The following PTPRM variants were observed in gnomAD, a reference collection of about 807,000 sequenced individuals.
The protein encoded by PTPRM is protein tyrosine phosphatase receptor type M.
In PTPRM, 47 loss-of-function variants were observed where a neutral mutation model predicts 186.7. The observed-to-expected ratio is 0.25, with a 90% CI of 0.20 to 0.32. The LOEUF (loss-of-function observed/expected upper bound fraction) is 0.32, where lower values mean the gene tolerates loss of function less well. Ranked by LOEUF, PTPRM falls within the 10% of genes least tolerant of loss-of-function variation. The pLI, the probability that PTPRM is intolerant of heterozygous loss-of-function variation, is 1.00. For synonymous variants in PTPRM, 668 were observed against 674.9 expected (o/e 0.99, Z 0.16); for missense variants, 1,494 against 1,865.0 (o/e 0.80, Z 3.66).
chr18:8,250,947 TAA>T (rs2094522784), intron 17 of PTPRM, among the ~76,000 whole-genome samples: 1 of 152,208 alleles, frequency 6.6e-6, no homozygotes, highest in Admixed American at 6.5e-5. Context: ...TCTAGTAGTA[TAA>T]GTGACCCAAT....
chr18:8,319,212 A>G lies in PTPRM; in HGVS notation c.2954A>G (p.Gln985Arg). ...YHRPNHYIAT[Q>R]GPMQETIYDF... ...CGACCCAATCATTACATTGCTACCC[A>G]AGGTAAGTTTATTTCTACTTTGTTG... Residue 985 changes from glutamine to arginine, a missense_variant and splice_region_variant, in exon 22 of 33, where the codon CAA (glutamine) becomes CGA (arginine). Gln to Arg is a conservative substitution (Grantham distance 43). This residue lies in a region of PTPRM where 1,107 missense variants were observed against 1,350.2 expected (regional missense o/e 0.82). Coordinates refer to ENST00000580170, the MANE Select transcript of PTPRM (RefSeq NM_001105244.2). The G allele has an allele frequency of 6.4e-7, 1 of 1,559,070 alleles. No homozygotes were observed. Among genetic ancestry groups the G allele is most frequent in the African/African-American group, 1.4e-5 (1 of 73,658 alleles).
At chr18:7,732,874 C>A (rs773649941) in intron 1 of PTPRM, among the ~76,000 whole-genome samples, 1 of 152,074 alleles carries the variant, frequency 6.6e-6, no homozygotes, top group African/African-American at 2.4e-5. Context: ...TTTGGAGGTT[C>A]TTTTCCAGCA....
intron 4 of PTPRM, 123 bp downstream of exon 4, chr18:7,906,706 C>T: frequency 2.6e-6 from 2 of 768,332 alleles, no homozygotes; most frequent in Non-Finnish European, 4.4e-6. Context: ...CCTGACAGGC[C>T]TGTATTGTTG....
intron 2 of PTPRM, among the ~76,000 whole-genome samples, chr18:7,786,727 C>G (rs748607026): frequency 6.6e-6 from 1 of 152,202 alleles, no homozygotes; most frequent in African/African-American, 2.4e-5. Flanking sequence ...ACTCTGTAAA[C>G]AAAACATCCC....
intron 32 of PTPRM, among the ~76,000 whole-genome samples, chr18:8,400,370 A>G (rs1349420543): frequency 6.6e-6 from 1 of 152,222 alleles, no homozygotes; most frequent in Non-Finnish European, 1.5e-5. Context: ...TGTCTGCTCT[A>G]GACGCAGTAT....
At chr18:7,950,911 A>G (rs2052907370) in intron 6 of PTPRM, among the ~76,000 whole-genome samples, 1 of 152,210 alleles carries the variant, frequency 6.6e-6, no homozygotes, top group Non-Finnish European at 1.5e-5. Flanking sequence ...AGTCAGCCAT[A>G]TGCTCTGTTG....
At chr18:7,955,550 C>G in intron 7 of PTPRM, 136 bp downstream of exon 7, 1 of 1,012,326 alleles carries the variant, frequency 9.9e-7, no homozygotes, top group Non-Finnish European at 1.4e-6. Context: ...ATGCCCTTAG[C>G]CTGTGAATAG....
At chr18:8,082,479 C>T (rs1273785013) in intron 9 of PTPRM, among the ~76,000 whole-genome samples, 1 of 148,744 alleles carries the variant, frequency 6.7e-6, no homozygotes, top group East Asian at 2.0e-4. Context: ...CCCTCCCTCC[C>T]TCCCTCCTTT....
chr18:8,147,058 T>C (rs1009011435), intron 14 of PTPRM, among the ~76,000 whole-genome samples: 2 of 152,204 alleles, frequency 1.3e-5, no homozygotes, highest in African/African-American at 4.8e-5. Flanking sequence ...TGTAGCCTTG[T>C]AGTATAGTTT....
intron 7 of PTPRM, among the ~76,000 whole-genome samples, chr18:8,010,910 T>C (rs2084491237): frequency 6.6e-6 from 1 of 152,180 alleles, no homozygotes; most frequent in Non-Finnish European, 1.5e-5. Flanking sequence ...GGTAGATTCA[T>C]TGGGAATATG....
chr18:8,116,199 C>T (rs1284786686), intron 13 of PTPRM, among the ~76,000 whole-genome samples: 1 of 152,202 alleles, frequency 6.6e-6, no homozygotes, highest in Admixed American at 6.5e-5. Context: ...TACTCAACAA[C>T]AGGAATTTCA....
At chr18:7,814,438 G>A (rs2044695640) in intron 2 of PTPRM, 1 of 152,234 alleles carries the variant, frequency 6.6e-6, no homozygotes, top group Non-Finnish European at 1.5e-5. Flanking sequence ...TCTGAGATGG[G>A]CCTGGAAGAA....
At chr18:7,742,367 C>T (rs945680325) in intron 1 of PTPRM, among the ~76,000 whole-genome samples, 83 of 152,262 alleles carry the variant, frequency 5.5e-4, no homozygotes, top group African/African-American at 1.9e-3. Context: ...CTGGGATTTT[C>T]TTCGATCTGA....
intron 1 of PTPRM, among the ~76,000 whole-genome samples, chr18:7,614,975 A>T (rs868419054): frequency 2.0e-5 from 3 of 152,166 alleles, no homozygotes; most frequent in Non-Finnish European, 2.9e-5. Flanking sequence ...AAACTTTGAT[A>T]CTTCCTGTTG....
At chr18:7,620,705 A>G (rs1346137701) in intron 1 of PTPRM, among the ~76,000 whole-genome samples, 1 of 152,218 alleles carries the variant, frequency 6.6e-6, no homozygotes, top group Non-Finnish European at 1.5e-5. Flanking sequence ...TACTGTGCTC[A>G]GATCATCACA....
At chr18:8,153,008 G>C (rs528878386) in intron 14 of PTPRM, among the ~76,000 whole-genome samples, 3 of 151,988 alleles carry the variant, frequency 2.0e-5, no homozygotes, top group Non-Finnish European at 4.4e-5. Context: ...GAGCCACTGC[G>C]CCTGGCCTTT....
intron 20 of PTPRM, among the ~76,000 whole-genome samples, chr18:8,306,188 C>A (rs1005749841): frequency 6.6e-6 from 1 of 152,070 alleles, no homozygotes; most frequent in South Asian, 2.1e-4. Context: ...TGAGCCACTG[C>A]GCCTGGCAGC....
At position 7,668,246 on chromosome 18, in the gene PTPRM, G is replaced by A. The variant is rs900344715; in HGVS notation, c.73+100355G>A. ...ACGCTGCTTCGTGTCCCCCATGACA[G>A]CTCTGGTGTGAATAGTCACAGTGCC... On this transcript the variant is annotated intron_variant, in intron 1 of 32. Coordinates refer to ENST00000580170, the MANE Select transcript of PTPRM (RefSeq NM_001105244.2). The surrounding 1 kb of genome is among the most constrained non-coding windows in gnomAD (Gnocchi z 4.7). Among the ~76,000 whole-genome samples, 1 of 152,188 alleles carries A rather than the reference G, an allele frequency of 6.6e-6. No homozygotes were observed. The highest frequency in any genetic ancestry group is 1.5e-5 in the Non-Finnish European group (1 of 68,048).
At chr18:7,964,689 G>T (rs557496612) in intron 7 of PTPRM, among the ~76,000 whole-genome samples, 1 of 152,164 alleles carries the variant, frequency 6.6e-6, no homozygotes. Flanking sequence ...TAAGCTGAAT[G>T]GATTGGGTTG....
Sources: allele counts gnomAD v4.1 joint callset (sites outside exome capture counted in the v4.1 genomes callset), GRCh38; gene constraint gnomAD v4.1.1; regional missense constraint gnomAD v4.1.1; non-coding constraint Gnocchi (gnomAD v3.1); transcripts MANE v1.5; gene names NCBI Gene and HGNC (gene_info 2026-07-23, HGNC 2026-07-21).